RBBP8NL: variants seen among roughly 807,000 people sequenced by gnomAD.
RBBP8NL encodes RBBP8 N-terminal like, also known as RBBP8 N-terminal-like protein.
A neutral mutation model predicts 62.2 loss-of-function variants in RBBP8NL; 59 were observed. That is an observed-to-expected ratio of 0.95 (90% CI 0.77 to 1.18). The LOEUF is 1.18. Among genes scored for constraint, RBBP8NL ranks in the 50% most tolerant of loss-of-function variants. The pLI is 0.00. For synonymous variants in RBBP8NL, 412 were observed against 394.1 expected (o/e 1.05, Z -0.54); for missense variants, 896 against 899.5 (o/e 1.00, Z 0.05).
At chr20:62,421,424 G>A (rs373072659) in intron 1 of RBBP8NL, among the ~76,000 whole-genome samples, 3 of 36,246 alleles carry the variant, frequency 8.3e-5, no homozygotes, top group Non-Finnish European at 1.4e-4. Context: ...TGTGTGTGCC[G>A]TGTATGCGTG....
At position 62,411,062 on chromosome 20, in the gene RBBP8NL, A is replaced by G; in HGVS notation, c.1877-66T>C. 1.2e-5 allele frequency: 13 copies of G among 1,054,020 alleles called. No individual in the cohort carries two copies. The South Asian group carries it at 1.8e-4, about 14-fold the overall frequency. 65.3% of individuals were successfully genotyped at this position (1,054,020 alleles called of 1,614,324 possible). A position where few individuals can be genotyped will look rare whatever the true frequency, so the allele number is the denominator to read the frequency against. On this transcript the variant is annotated intron_variant, in intron 13 of 13. Transcript: ENST00000252998. ...TTCCTTTGAGGCAACACTGGCTCTC[A>G]CCTAGGGCCTCCTGGGTCTCCTCTG...
At chr20:62,417,393 G>T (rs958216048) in intron 3 of RBBP8NL, 74 bp from the exon 4 acceptor site, 8 of 1,223,338 alleles carry the variant, frequency 6.5e-6, no homozygotes, top group East Asian at 2.6e-5. Flanking sequence ...CATCCAGCCT[G>T]GGGGGGCAGC....
chr20:62,418,596 C>A, intron 2 of RBBP8NL, 131 bp from the exon 3 acceptor site: 2 of 914,554 alleles, frequency 2.2e-6, no homozygotes, highest in Non-Finnish European at 3.4e-6. Flanking sequence ...GGAGCCCTGC[C>A]AGGTGAGCCC....
intron 2 of RBBP8NL, 99 bp from the exon 3 acceptor site, chr20:62,418,564 C>G: frequency 8.3e-7 from 1 of 1,206,856 alleles, no homozygotes; most frequent in Non-Finnish European, 1.2e-6. Context: ...ATGTGGCACT[C>G]CTGTCCCCTG....
intron 13 of RBBP8NL, among the ~76,000 whole-genome samples, chr20:62,411,936 C>T (rs547986178): frequency 3.8e-4 from 58 of 152,374 alleles, no homozygotes; most frequent in Non-Finnish European, 7.8e-4. Flanking sequence ...GGGCCTTGCC[C>T]GGAGAAAAAC....
chr20:62,414,967 C>T (rs947506597), intron 9 of RBBP8NL, among the ~76,000 whole-genome samples, 154 bp downstream of exon 9: 16 of 152,204 alleles, frequency 1.1e-4, no homozygotes, highest in Non-Finnish European at 2.1e-4. Flanking sequence ...GAGGTGTCCA[C>T]GTGGGAACTT....
At chr20:62,423,484 G>A (rs1301568265) in intron 1 of RBBP8NL, among the ~76,000 whole-genome samples, 1 of 152,186 alleles carries the variant, frequency 6.6e-6, no homozygotes, top group Non-Finnish European at 1.5e-5. Flanking sequence ...GGAGGGGGCG[G>A]AGCTGCAGCT....
intron 1 of RBBP8NL, among the ~76,000 whole-genome samples, chr20:62,423,960 C>T (rs928615346): frequency 4.6e-5 from 7 of 152,052 alleles, no homozygotes; most frequent in South Asian, 2.1e-4. Context: ...GTTGGGCTTG[C>T]CAAGGGCAGC....
intron 1 of RBBP8NL, among the ~76,000 whole-genome samples, chr20:62,425,608 G>A (rs1370492198): frequency 6.6e-6 from 1 of 152,212 alleles, no homozygotes; most frequent in African/African-American, 2.4e-5. Context: ...GAGCTCCTCT[G>A]CTGTCTGAGC....
In RBBP8NL at chr20:62,425,318, G is replaced by T. The variant is rs140165750; in HGVS notation, c.-84+2142C>A. On this transcript the variant is annotated intron_variant, in intron 1 of 13. Transcript: ENST00000252998. ...AAGGTCAAGTCTCATTGCCACAAAG[G>T]CCTTGTGCAGGAGGACGCAGCCCTC... 1.2e-3 allele frequency among the ~76,000 whole-genome samples: 188 copies of T among 152,312 alleles called. 1 individual carries two copies. Among genetic ancestry groups the T allele is most frequent in the African/African-American group, 4.1e-3 (170 of 41,570 alleles).
At chr20:62,422,576 A>ACGGGGCCCGGGG in intron 1 of RBBP8NL, among the ~76,000 whole-genome samples, 1 of 128,786 alleles carries the variant, frequency 7.8e-6, no homozygotes, top group African/African-American at 2.9e-5. Context: ...TGGGGTGGGG[A>ACGGGGCCCGGGG]TGGCGACTGG....
chr20:62,418,251 G>A (rs1490402143), intron 3 of RBBP8NL, among the ~76,000 whole-genome samples, 172 bp downstream of exon 3: 2 of 152,170 alleles, frequency 1.3e-5, no homozygotes, highest in Non-Finnish European at 2.9e-5. Context: ...TGCTGGCTTC[G>A]CTGCCTGCTC....
chr20:62,422,649 T>TGGGGACTGGGGTGGGGAC (rs1988731410), intron 1 of RBBP8NL, among the ~76,000 whole-genome samples: 2 of 17,128 alleles, frequency 1.2e-4, no homozygotes, highest in Non-Finnish European at 2.7e-4. Flanking sequence ...GGGGTGGGGA[T>TGGGGACTGGGGTGGGGAC]GGGGACCGGG....
chr20:62,420,377 C>CAT lies in RBBP8NL; in HGVS notation c.-83-648_-83-647insAT, dbSNP rs367630805. On this transcript the variant is annotated intron_variant, in intron 1 of 13. Coordinates refer to ENST00000252998, the MANE Select transcript of RBBP8NL (RefSeq NM_080833.3). Reference sequence around the variant, plus strand: ...ACACACACACACACACACACACACACACACACACACACACACAGATAGCAT... The same window carrying CAT: ...ACACACACACACACACACACACACACATACACACACACACACACAGATAGCAT... Among the ~76,000 whole-genome samples the CAT allele has an allele frequency of 2.9e-3, 432 of 148,796 alleles. 3 individuals carry two copies. The highest frequency in any genetic ancestry group is 3.5e-3 in the Non-Finnish European group (234 of 67,506).
intron 1 of RBBP8NL, among the ~76,000 whole-genome samples, chr20:62,424,437 C>T (rs1009921249): frequency 2.0e-5 from 3 of 152,074 alleles, no homozygotes; most frequent in Non-Finnish European, 4.4e-5. Flanking sequence ...TAGTGAGAGC[C>T]GGGCTGGGCT....
chr20:62,412,724 AG>A lies in RBBP8NL; in HGVS notation c.1775del (p.Thr592IlefsTer46). 6.2e-7 allele frequency: 1 copy of A among 1,611,518 alleles called. No individual in the cohort carries two copies. The highest frequency in any genetic ancestry group is 8.5e-7 in the Non-Finnish European group (1 of 1,179,942). On this transcript the variant is annotated frameshift_variant, in exon 13 of 14. Transcript: ENST00000252998. LOFTEE classifies it high-confidence loss of function. Reference protein sequence around the residue: ...EVGLSSQAEATTSTTGEGPEC... With the variant: ...EVGLSSQAEAXTSTTGEGPEC... The stretch of plus-strand genomic sequence containing the variant: ...CAGGCCCCTCCCCGGTCGTGCTCGT[AG>A]TGGCCTCCGCCTGGGAGCTCAGGCC...
chr20:62,412,394 A>G (rs2146436832), intron 13 of RBBP8NL, among the ~76,000 whole-genome samples: 1 of 152,310 alleles, frequency 6.6e-6, no homozygotes, highest in Middle Eastern at 3.4e-3. Flanking sequence ...CAGATTTGGA[A>G]GGACCTGACA....
chr20:62,419,774 T>G, intron 1 of RBBP8NL, 44 bp from the exon 2 acceptor site: 1 of 999,872 alleles, frequency 1.0e-6, no homozygotes, highest in East Asian at 2.5e-5. Flanking sequence ...CAGGAAGGGC[T>G]TGTGGGCTGT....
chr20:62,413,608 C>T, intron 10 of RBBP8NL, 63 bp from the exon 11 acceptor site: 2 of 1,493,034 alleles, frequency 1.3e-6, no homozygotes, highest in South Asian at 1.4e-5. Flanking sequence ...CCAACTCAGC[C>T]CTGGACAGCC....
Sources: gnomAD v4.1 joint callset for allele counts (sites outside exome capture counted in the v4.1 genomes callset) on GRCh38, gnomAD v4.1.1 for gene constraint, MANE v1.5 for transcripts, NCBI Gene and HGNC (gene_info 2026-07-23, HGNC 2026-07-21) for gene names.